The following HDAC9 variants were observed in gnomAD, a reference collection of about 807,000 sequenced individuals.
HDAC9 encodes MEF-2 interacting transcription repressor (MITR) protein.
HDAC9 carries 41 observed loss-of-function variants against 139.4 expected under a neutral mutation model. The observed-to-expected ratio is 0.29, with a 90% CI of 0.23 to 0.38. The LOEUF is 0.38. Among genes scored for constraint, HDAC9 ranks in the 10% least tolerant of loss-of-function variants. HDAC9 has a pLI of 1.00. For synonymous variants in HDAC9, 517 were observed against 476.2 expected (o/e 1.09, Z -1.12); for missense variants, 1,147 against 1,297.0 (o/e 0.88, Z 1.78).
chr7:18,166,737 CTT>C (rs1437708933), intron 2 of HDAC9, among the ~76,000 whole-genome samples: 2 of 152,148 alleles, frequency 1.3e-5, no homozygotes, highest in East Asian at 3.9e-4. Context: ...TTTACGAACT[CTT>C]TAATGATTCA....
chr7:18,315,602 A>G (rs1799586722), intron 1 of HDAC9, among the ~76,000 whole-genome samples: 1 of 152,236 alleles, frequency 6.6e-6, no homozygotes. Context: ...TTTCTGTAGA[A>G]AAGGATGAGT....
At chr7:18,810,026 C>T (rs899086403) in intron 17 of HDAC9, among the ~76,000 whole-genome samples, 4 of 151,904 alleles carry the variant, frequency 2.6e-5, no homozygotes, top group Non-Finnish European at 4.4e-5. Context: ...ACAATGGAAT[C>T]TTATTCAGCC....
intron 13 of HDAC9, among the ~76,000 whole-genome samples, chr7:18,745,310 C>T (rs1448025955): frequency 6.6e-6 from 1 of 152,074 alleles, no homozygotes; most frequent in Non-Finnish European, 1.5e-5. Flanking sequence ...CCTTTAAATT[C>T]AAATGGCCTT....
chr7:18,814,944 A>G (rs1794453021), intron 17 of HDAC9, among the ~76,000 whole-genome samples: 1 of 152,184 alleles, frequency 6.6e-6, no homozygotes, highest in Admixed American at 6.5e-5. Context: ...CTGATTGAAA[A>G]TGTTTATAGG....
intron 13 of HDAC9, among the ~76,000 whole-genome samples, chr7:18,731,418 T>A (rs764937446): frequency 6.6e-6 from 1 of 152,190 alleles, no homozygotes; most frequent in Non-Finnish European, 1.5e-5. Flanking sequence ...AAAAGTCACA[T>A]AATTTTCAAT....
chr7:18,593,366 T>G (rs1037586740), intron 5 of HDAC9, among the ~76,000 whole-genome samples: 2 of 152,150 alleles, frequency 1.3e-5, no homozygotes, highest in African/African-American at 4.8e-5. Context: ...ATTGGTTTCA[T>G]ATTAAAGAAT....
chr7:18,494,763 C>T (rs1290294872), upstream of HDAC9, among the ~76,000 whole-genome samples: 1 of 152,034 alleles, frequency 6.6e-6, no homozygotes, highest in Admixed American at 6.6e-5. Context: ...CAATGTATAG[C>T]TGAATGCAGA....
At chr7:18,110,932 A>G (rs1783574134) in intron 1 of HDAC9, among the ~76,000 whole-genome samples, 1 of 152,200 alleles carries the variant, frequency 6.6e-6, no homozygotes, top group African/African-American at 2.4e-5. Context: ...ATGTTGGTAT[A>G]GGTCAGTGTA....
chr7:18,480,588 T>C (rs770877091), intron 1 of HDAC9, among the ~76,000 whole-genome samples: 19 of 152,148 alleles, frequency 1.2e-4, no homozygotes, highest in Admixed American at 2.6e-4. Flanking sequence ...GTGGTTGTAG[T>C]GAGCTGAATA....
At chr7:18,140,258 TG>T (rs1279893454) in intron 1 of HDAC9, among the ~76,000 whole-genome samples, 1 of 152,104 alleles carries the variant, frequency 6.6e-6, no homozygotes, top group Non-Finnish European at 1.5e-5. Flanking sequence ...ATCTACTGCT[TG>T]GGGAATTCTT....
At chr7:18,168,869 C>A (rs1584430709) in intron 2 of HDAC9, among the ~76,000 whole-genome samples, 1 of 127,288 alleles carries the variant, frequency 7.9e-6, no homozygotes, top group Non-Finnish European at 1.6e-5. Flanking sequence ...TGAGGAGGTG[C>A]AAATGTCTTG....
intron 1 of HDAC9, among the ~76,000 whole-genome samples, chr7:18,293,259 T>TG (rs1797929607): frequency 2.0e-5 from 3 of 152,130 alleles, no homozygotes; most frequent in Middle Eastern, 6.8e-3. Flanking sequence ...CTGCCAGTGT[T>TG]GGGGGGAGTG....
chr7:18,451,506 A>T (rs1792860864), intron 1 of HDAC9, among the ~76,000 whole-genome samples: 2 of 151,768 alleles, frequency 1.3e-5, no homozygotes, highest in South Asian at 2.1e-4. Context: ...TTAGATAGAT[A>T]TGCATAAATA....
intron 1 of HDAC9, among the ~76,000 whole-genome samples, chr7:18,482,099 C>G (rs568789899): frequency 5.3e-5 from 8 of 152,094 alleles, no homozygotes; most frequent in Admixed American, 4.6e-4. Flanking sequence ...TCAGGAGCCT[C>G]TGTAACTCTG....
At chr7:18,738,107 G>C (rs944849492) in intron 13 of HDAC9, among the ~76,000 whole-genome samples, 2 of 146,322 alleles carry the variant, frequency 1.4e-5, no homozygotes, top group African/African-American at 2.5e-5. Context: ...CTTTCCATTT[G>C]CTTGGTAGAT....
At chr7:18,129,115 G>T (rs377328179) in intron 1 of HDAC9, among the ~76,000 whole-genome samples, 5 of 152,020 alleles carry the variant, frequency 3.3e-5, no homozygotes, top group African/African-American at 1.2e-4. Context: ...TTTGACTCTC[G>T]TGTCTTCCTC....
At chr7:18,185,233 A>C (rs1195970749) in intron 2 of HDAC9, among the ~76,000 whole-genome samples, 1 of 152,234 alleles carries the variant, frequency 6.6e-6, no homozygotes, top group Non-Finnish European at 1.5e-5. Context: ...CTCAGTTTGG[A>C]CTATACATTA....
At chr7:18,209,564 T>C (rs1791787021) in intron 2 of HDAC9, among the ~76,000 whole-genome samples, 1 of 152,248 alleles carries the variant, frequency 6.6e-6, no homozygotes, top group African/African-American at 2.4e-5. Context: ...TGGAATTGAA[T>C]CATTGAGATG....
Position 18,928,602 on chromosome 7 carries a change from A to C in HDAC9, c.2804-7207A>C, listed in dbSNP as rs541546807. Among the ~76,000 whole-genome samples the C allele has an allele frequency of 6.0e-4, 92 of 152,248 alleles. 1 individual carries two copies. In the South Asian group the frequency reaches 9.3e-3, roughly 15 times the overall value. ...AGCACACTTAAATATCTAAAAACAG[A>C]ATTGCTTGGTGCATGGGTACATTTT... is the stretch of plus-strand genomic sequence containing the variant. On this transcript the variant is annotated intron_variant, in intron 22 of 25. Transcript: ENST00000686413.
Sources: gnomAD v4.1 joint callset for allele counts (sites outside exome capture counted in the v4.1 genomes callset) on GRCh38, gnomAD v4.1.1 for gene constraint, MANE v1.5 for transcripts, NCBI Gene and HGNC (gene_info 2026-07-23, HGNC 2026-07-21) for gene names.